The following NEGR1 variants were observed in gnomAD, a reference collection of about 807,000 sequenced individuals.
The protein encoded by NEGR1 is neuronal growth regulator 1, also known as IgLON family member 4.
NEGR1 carries 10 observed loss-of-function variants against 40.9 expected under a neutral mutation model. That is an observed-to-expected ratio of 0.24 (90% CI 0.15 to 0.42). The LOEUF is 0.42. NEGR1 is among the 10% of genes least tolerant of loss of function. NEGR1 has a pLI of 1.00. For missense variants in NEGR1, 352 were observed against 438.9 expected (o/e 0.80, Z 1.77); for synonymous variants, 185 against 166.8 (o/e 1.11, Z -0.84).
intron 1 of NEGR1, among the ~76,000 whole-genome samples, chr1:72,176,147 T>C (rs1324317922): frequency 6.6e-6 from 1 of 152,140 alleles, no homozygotes; most frequent in Non-Finnish European, 1.5e-5. Context: ...AAGTCAGTCA[T>C]CTTTTTTCCT....
intron 1 of NEGR1, among the ~76,000 whole-genome samples, chr1:72,263,673 T>C (rs1276944098): frequency 6.6e-6 from 1 of 151,584 alleles, no homozygotes; most frequent in Non-Finnish European, 1.5e-5. Context: ...TCTAAAGTTA[T>C]CTATACTTGA....
At chr1:71,973,051 C>T (rs1375110150) in intron 1 of NEGR1, among the ~76,000 whole-genome samples, 1 of 152,102 alleles carries the variant, frequency 6.6e-6, no homozygotes, top group African/African-American at 2.4e-5. Context: ...AGATCATTTT[C>T]TCTCAAATTA....
chr1:71,668,369 G>C (rs973345602), intron 4 of NEGR1, among the ~76,000 whole-genome samples: 1 of 152,194 alleles, frequency 6.6e-6, no homozygotes, highest in South Asian at 2.1e-4. Flanking sequence ...TTGAGAGCTA[G>C]AATGTCATCT....
chr1:72,136,416 A>G (rs1476124288), intron 1 of NEGR1, among the ~76,000 whole-genome samples: 2 of 152,032 alleles, frequency 1.3e-5, no homozygotes, highest in African/African-American at 4.8e-5. Flanking sequence ...TATACAGAGA[A>G]GAAATAATTT....
At chr1:72,093,161 T>C (rs1569951582) in intron 1 of NEGR1, among the ~76,000 whole-genome samples, 1 of 151,742 alleles carries the variant, frequency 6.6e-6, no homozygotes, top group East Asian at 1.9e-4. Context: ...TGAAACTCTG[T>C]CCCTTATAAA....
intron 3 of NEGR1, among the ~76,000 whole-genome samples, chr1:71,732,628 T>G (rs1323745295): frequency 6.6e-6 from 1 of 152,122 alleles, no homozygotes; most frequent in Non-Finnish European, 1.5e-5. Context: ...ATGCAGTGCT[T>G]TTAGAAGAAA....
chr1:72,251,701 ATT>A (rs1377879875), intron 1 of NEGR1, among the ~76,000 whole-genome samples: 1 of 152,138 alleles, frequency 6.6e-6, no homozygotes, highest in Non-Finnish European at 1.5e-5. Context: ...ATACATAATC[ATT>A]GTTTTTTTTC....
intron 2 of NEGR1, among the ~76,000 whole-genome samples, chr1:71,928,313 T>TATGTATATATGTATATATACACAC (rs1645810981): frequency 1.8e-5 from 2 of 110,608 alleles, no homozygotes; most frequent in Admixed American, 9.7e-5. Context: ...TATACACACA[T>TATGTATATATGTATATATACACAC]ATGTATATAC....
chr1:72,165,361 A>C (rs1651728666), intron 1 of NEGR1, among the ~76,000 whole-genome samples: 1 of 152,072 alleles, frequency 6.6e-6, no homozygotes. Context: ...ATTAACTAAT[A>C]AAATTATTTC....
At chr1:71,871,782 T>C (rs1227130048) in intron 2 of NEGR1, among the ~76,000 whole-genome samples, 1 of 152,188 alleles carries the variant, frequency 6.6e-6, no homozygotes, top group Non-Finnish European at 1.5e-5. Context: ...AGAAGAAACT[T>C]AACTCTCTGT....
intron 1 of NEGR1, among the ~76,000 whole-genome samples, chr1:72,070,141 T>C (rs1647401705): frequency 6.6e-6 from 1 of 152,054 alleles, no homozygotes; most frequent in Non-Finnish European, 1.5e-5. Flanking sequence ...ATTTAAAATA[T>C]TATATCACTG....
chr1:72,183,592 T>C (rs910604502), intron 1 of NEGR1, among the ~76,000 whole-genome samples: 2 of 152,126 alleles, frequency 1.3e-5, no homozygotes, highest in Non-Finnish European at 2.9e-5. Context: ...TGAAACACTA[T>C]AAACAAATGA....
intron 6 of NEGR1, among the ~76,000 whole-genome samples, chr1:71,469,990 T>C (rs949367773): frequency 6.6e-6 from 1 of 152,102 alleles, no homozygotes; most frequent in Admixed American, 6.6e-5. Flanking sequence ...AAGTAAAGTC[T>C]TTTTAGTCTT....
At chr1:71,742,150 C>T (rs1655232363) in intron 3 of NEGR1, among the ~76,000 whole-genome samples, 1 of 152,096 alleles carries the variant, frequency 6.6e-6, no homozygotes, top group African/African-American at 2.4e-5. Context: ...CTCTCTCCAC[C>T]AGATGAGGAT....
chr1:72,282,279 TA>T, intron 1 of NEGR1, 39 bp downstream of exon 1: 1 of 1,608,882 alleles, frequency 6.2e-7, no homozygotes, highest in African/African-American at 1.3e-5. Context: ...GACAGAAAGA[TA>T]GACCGAAACA....
At chr1:71,694,304 AC>A (rs1402841691) in intron 4 of NEGR1, among the ~76,000 whole-genome samples, 1 of 151,176 alleles carries the variant, frequency 6.6e-6, no homozygotes, top group African/African-American at 2.4e-5. Context: ...AATTTTCATG[AC>A]CCCTTTTCAT....
At chr1:72,247,895 A>G (rs891744523) in intron 1 of NEGR1, among the ~76,000 whole-genome samples, 2 of 152,174 alleles carry the variant, frequency 1.3e-5, no homozygotes, top group Non-Finnish European at 2.9e-5. Flanking sequence ...TTTAAGAAGC[A>G]TGGTGCCAAC....
intron 4 of NEGR1, among the ~76,000 whole-genome samples, chr1:71,639,618 C>T (rs1651279950): frequency 6.6e-6 from 1 of 152,020 alleles, no homozygotes; most frequent in Admixed American, 6.6e-5. Flanking sequence ...AACATTTTCT[C>T]AGAATATACA....
At chr1:72,125,387 A>AT (rs1649971111) in intron 1 of NEGR1, among the ~76,000 whole-genome samples, 2 of 152,122 alleles carry the variant, frequency 1.3e-5, no homozygotes, top group Non-Finnish European at 2.9e-5. Context: ...TGAAATATTC[A>AT]TAACACTCTA....
Sources: allele counts gnomAD v4.1 joint callset (sites outside exome capture counted in the v4.1 genomes callset), GRCh38; gene constraint gnomAD v4.1.1; transcripts MANE v1.5; gene names NCBI Gene and HGNC (gene_info 2026-07-23, HGNC 2026-07-21).